The following PLXNA4 variants were observed in gnomAD, a reference collection of about 807,000 sequenced individuals.
PLXNA4 encodes the protein plexin-A4.
PLXNA4 carries 44 observed loss-of-function variants against 191.8 expected under a neutral mutation model. The ratio of observed to expected loss-of-function variants is 0.23; its 90% CI spans 0.18 to 0.29. PLXNA4 has a LOEUF of 0.29. Among genes scored for constraint, PLXNA4 ranks in the 10% least tolerant of loss-of-function variants. The pLI is 1.00. For synonymous variants in PLXNA4, 1,082 were observed against 1,009.5 expected (o/e 1.07, Z -1.36); for missense variants, 1,800 against 2,488.8 (o/e 0.72, Z 5.89).
chr7:132,246,690 C>T (rs1349152190), intron 4 of PLXNA4, among the ~76,000 whole-genome samples: 1 of 151,970 alleles, frequency 6.6e-6, no homozygotes, highest in East Asian at 1.9e-4. Context: ...CCAAGGTAAG[C>T]TTCCTTAAAT....
chr7:132,372,071 G>A (rs867986327), intron 3 of PLXNA4, among the ~76,000 whole-genome samples: 3 of 152,068 alleles, frequency 2.0e-5, no homozygotes, highest in Admixed American at 1.3e-4. Context: ...ATCAGTCAAC[G>A]CATCACCCAC....
intron 2 of PLXNA4, 39 bp from the exon 3 acceptor site, chr7:132,489,513 C>A: frequency 6.8e-7 from 1 of 1,480,058 alleles, no homozygotes; most frequent in East Asian, 2.3e-5. Flanking sequence ...AAGGGAGCGT[C>A]AAGGAAATTG....
chr7:132,562,471 T>TC (rs1801241801), intron 1 of PLXNA4, among the ~76,000 whole-genome samples: 1 of 55,122 alleles, frequency 1.8e-5, no homozygotes, highest in African/African-American at 7.2e-5. Context: ...CCTCCTCCTT[T>TC]CTCCTCCTCC....
chr7:132,533,515 C>T (rs1246436770), intron 1 of PLXNA4, among the ~76,000 whole-genome samples: 2 of 152,264 alleles, frequency 1.3e-5, no homozygotes, highest in Non-Finnish European at 2.9e-5. Context: ...TTCCCATCCA[C>T]ATCAGGACTC....
chr7:132,421,693 C>A (rs1794856077), intron 3 of PLXNA4, among the ~76,000 whole-genome samples: 1 of 151,856 alleles, frequency 6.6e-6, no homozygotes, highest in South Asian at 2.1e-4. Context: ...ACAAAACTTA[C>A]AACTTAGTGC....
intron 1 of PLXNA4, among the ~76,000 whole-genome samples, chr7:132,526,179 T>C (rs1799393514): frequency 6.6e-6 from 1 of 152,190 alleles, no homozygotes; most frequent in Non-Finnish European, 1.5e-5. Flanking sequence ...GGAAAATCTC[T>C]AGGTGAGGAG....
chr7:132,155,396 C>A (rs1022079314), intron 25 of PLXNA4, among the ~76,000 whole-genome samples: 1 of 152,194 alleles, frequency 6.6e-6, no homozygotes, highest in Non-Finnish European at 1.5e-5. Flanking sequence ...GGAAAAAAAG[C>A]TCCTTAGTTC....
intron 3 of PLXNA4, among the ~76,000 whole-genome samples, chr7:132,309,205 G>C (rs562403257): frequency 6.6e-6 from 1 of 152,312 alleles, no homozygotes; most frequent in Admixed American, 6.5e-5. Flanking sequence ...ACTTTATGGA[G>C]GAAGAACAAA....
At chr7:132,284,917 G>T (rs1800627270) in intron 4 of PLXNA4, among the ~76,000 whole-genome samples, 1 of 152,030 alleles carries the variant, frequency 6.6e-6, no homozygotes, top group Non-Finnish European at 1.5e-5. Context: ...GTTTCACCAT[G>T]TTGGCCAGGC....
chr7:132,217,126 C>T (rs992028815), intron 9 of PLXNA4, among the ~76,000 whole-genome samples: 5 of 152,200 alleles, frequency 3.3e-5, no homozygotes, highest in Admixed American at 1.3e-4. Context: ...GTCAACTGTC[C>T]AGCCCCATGC....
At chr7:132,309,870 G>A (rs1300404408) in intron 3 of PLXNA4, among the ~76,000 whole-genome samples, 1 of 152,200 alleles carries the variant, frequency 6.6e-6, no homozygotes, top group Non-Finnish European at 1.5e-5. Context: ...GCACAGGGCA[G>A]AGACTCAATA....
chr7:132,290,406 C>T (rs774562515), intron 4 of PLXNA4, among the ~76,000 whole-genome samples: 1 of 152,208 alleles, frequency 6.6e-6, no homozygotes, highest in Non-Finnish European at 1.5e-5. Flanking sequence ...CACTCCAGGG[C>T]ACCCAAGAAC....
At chr7:132,481,331 C>G (rs1797326431) in intron 3 of PLXNA4, among the ~76,000 whole-genome samples, 1 of 151,978 alleles carries the variant, frequency 6.6e-6, no homozygotes, top group Non-Finnish European at 1.5e-5. Flanking sequence ...GTCCAGCCAC[C>G]ACCTCCTCCC....
At chr7:132,420,510 C>T (rs1402918211) in intron 3 of PLXNA4, among the ~76,000 whole-genome samples, 2 of 152,350 alleles carry the variant, frequency 1.3e-5, no homozygotes, top group African/African-American at 4.8e-5. Flanking sequence ...CTCCCACCTG[C>T]CCCACAGGTG....
At chr7:132,537,334 C>T (rs1048731992) in intron 1 of PLXNA4, among the ~76,000 whole-genome samples, 1 of 152,198 alleles carries the variant, frequency 6.6e-6, no homozygotes, top group Non-Finnish European at 1.5e-5. Flanking sequence ...GTGTCTGGCA[C>T]CTACCAAGCA....
chr7:132,283,973 C>T (rs1034397176), intron 4 of PLXNA4, among the ~76,000 whole-genome samples: 2 of 152,164 alleles, frequency 1.3e-5, no homozygotes, highest in African/African-American at 4.8e-5. Context: ...CCAGGAGGAG[C>T]CCAGCGTGTA....
chr7:132,234,337 T>C (rs970920288), intron 5 of PLXNA4, among the ~76,000 whole-genome samples: 2 of 152,198 alleles, frequency 1.3e-5, no homozygotes, highest in African/African-American at 4.8e-5. Context: ...GGGAGCACTT[T>C]GCTCTGTGCA....
chr7:132,440,200 C>T (rs1030411708), intron 3 of PLXNA4, among the ~76,000 whole-genome samples: 1 of 152,174 alleles, frequency 6.6e-6, no homozygotes, highest in Non-Finnish European at 1.5e-5. Context: ...GTTTACCCTC[C>T]CCCTGCCTTG....
chr7:132,513,701 C>G (rs1223054036), intron 1 of PLXNA4, among the ~76,000 whole-genome samples: 2 of 85,418 alleles, frequency 2.3e-5, no homozygotes, highest in African/African-American at 9.5e-5. Flanking sequence ...GAGATGGAGT[C>G]ACCATCTGTC....
Sources: gnomAD v4.1 joint callset for allele counts (sites outside exome capture counted in the v4.1 genomes callset) on GRCh38, gnomAD v4.1.1 for gene constraint, MANE v1.5 for transcripts, NCBI Gene and HGNC (gene_info 2026-07-23, HGNC 2026-07-21) for gene names.